ANKRD44: variants seen among roughly 807,000 people sequenced by gnomAD.
ANKRD44 encodes the protein serine/threonine-protein phosphatase 6 regulatory ankyrin repeat subunit B.
In ANKRD44, 35 loss-of-function variants were observed where a neutral mutation model predicts 116.0. The ratio of observed to expected loss-of-function variants is 0.30; its 90% confidence interval spans 0.23 to 0.40. The LOEUF is 0.40. Among genes scored for constraint, ANKRD44 ranks in the 10% least tolerant of loss-of-function variants. The probability of loss-of-function intolerance (pLI) is 1.00; values close to 1 mark genes in which losing one functional copy is unlikely to be tolerated. For synonymous variants in ANKRD44, 435 were observed against 461.8 expected (o/e 0.94, Z 0.74); for missense variants, 1,014 against 1,242.6 (o/e 0.82, Z 2.77).
intron 4 of ANKRD44, chr2:197,134,016 TG>T (rs2079160153): frequency 7.0e-6 from 1 of 143,788 alleles, no homozygotes; most frequent in Non-Finnish European, 1.5e-5. Flanking sequence ...TGCAATGGCG[TG>T]ATCTTGGCTC....
intron 1 of ANKRD44, among the ~76,000 whole-genome samples, chr2:197,197,741 T>A (rs1318911707): frequency 7.1e-6 from 1 of 141,250 alleles, no homozygotes; most frequent in Admixed American, 7.3e-5. Context: ...GCCCAGGAAA[T>A]TGAGGCTGCA....
chr2:196,997,103 C>T lies in ANKRD44; in HGVS notation c.2748+1234G>A, dbSNP rs576019837. On this transcript the variant is annotated intron_variant, in intron 25 of 27. Transcript: ENST00000282272. ...CAAAACTTTTTGAATATTGACATAA[C>T]ACTCAGATTTTTGGATTTGGGATAA... 1.2e-3 allele frequency among the ~76,000 whole-genome samples: 185 copies of T among 151,984 alleles called. 1 individual carries two copies. Among genetic ancestry groups the T allele is most frequent in the Middle Eastern group, 3.4e-3 (1 of 294 alleles).
chr2:197,223,011 C>T (rs949330408), intron 1 of ANKRD44, among the ~76,000 whole-genome samples: 1 of 151,970 alleles, frequency 6.6e-6, no homozygotes, highest in African/African-American at 2.4e-5. Context: ...TAGGGTTTCA[C>T]CATGTTGGCC....
chr2:196,989,544 G>GCACACACA lies in ANKRD44; in HGVS notation c.*46_*47insTGTGTGTG, dbSNP rs1470905838. 4.6e-6 allele frequency: 7 copies of GCACACACA among 1,534,252 alleles called. No homozygotes were observed. In the East Asian group the frequency reaches 1.2e-4, roughly 27 times the overall value. On this transcript the variant is annotated 3_prime_UTR_variant, in exon 28 of 28. Transcript: ENST00000282272. ...CACACATATATATATATATACACAC[G>GCACACACA]CACACATATATGTGTGCATGTGTAT...
intron 1 of ANKRD44, among the ~76,000 whole-genome samples, chr2:197,280,725 C>A (rs539533448): frequency 3.9e-5 from 6 of 152,122 alleles, no homozygotes; most frequent in African/African-American, 1.2e-4. Flanking sequence ...AGTATTATTA[C>A]CCCTTGATAA....
chr2:197,183,966 G>T (rs907708114), intron 2 of ANKRD44, among the ~76,000 whole-genome samples: 1 of 152,080 alleles, frequency 6.6e-6, no homozygotes, highest in Non-Finnish European at 1.5e-5. Flanking sequence ...TAGCATCCCG[G>T]ATTTTTTCTT....
chr2:197,159,820 G>A (rs1392762831), intron 2 of ANKRD44, among the ~76,000 whole-genome samples: 1 of 152,154 alleles, frequency 6.6e-6, no homozygotes, highest in Non-Finnish European at 1.5e-5. Context: ...TCAGAGTTAA[G>A]TGACTCACCC....
chr2:197,200,017 A>G (rs2081057740), intron 1 of ANKRD44, among the ~76,000 whole-genome samples: 1 of 152,230 alleles, frequency 6.6e-6, no homozygotes, highest in South Asian at 2.1e-4. Context: ...TACCTACAAT[A>G]TGCTATTTTT....
chr2:197,080,072 G>A (rs1265401966), intron 15 of ANKRD44, among the ~76,000 whole-genome samples: 1 of 152,148 alleles, frequency 6.6e-6, no homozygotes, highest in East Asian at 1.9e-4. Context: ...TCCCAGGTAT[G>A]ACTCACTGTA....
chr2:197,110,616 G>GT, intron 9 of ANKRD44, 150 bp downstream of exon 9: 3 of 698,782 alleles, frequency 4.3e-6, no homozygotes, highest in Non-Finnish European at 7.7e-6. Context: ...CTGATGAACA[G>GT]TTTTTAGCAA....
At chr2:197,145,340 C>T (rs778554913) in intron 3 of ANKRD44, among the ~76,000 whole-genome samples, 38 of 151,754 alleles carry the variant, frequency 2.5e-4, no homozygotes, top group Non-Finnish European at 2.1e-4. Context: ...AAAAAAGAGG[C>T]GGGTATAGCT....
intron 4 of ANKRD44, among the ~76,000 whole-genome samples, chr2:197,128,425 G>A (rs1490988085): frequency 6.6e-6 from 1 of 152,126 alleles, no homozygotes; most frequent in African/African-American, 2.4e-5. Context: ...TTTGTTGGCT[G>A]CATGAATGTC....
chr2:197,062,803 G>T (rs574018359), intron 16 of ANKRD44, among the ~76,000 whole-genome samples: 1 of 152,366 alleles, frequency 6.6e-6, no homozygotes, highest in South Asian at 2.1e-4. Flanking sequence ...GCTTGAGTAG[G>T]TAAACAAAAC....
At chr2:197,301,751 T>C (rs1263193377) in intron 1 of ANKRD44, among the ~76,000 whole-genome samples, 1 of 152,250 alleles carries the variant, frequency 6.6e-6, no homozygotes, top group African/African-American at 2.4e-5. Flanking sequence ...GAGCATTTAC[T>C]ATGCACCTTA....
intron 3 of ANKRD44, among the ~76,000 whole-genome samples, chr2:197,143,084 A>G (rs1436861380): frequency 1.3e-5 from 2 of 149,962 alleles, no homozygotes; most frequent in Non-Finnish European, 3.0e-5. Flanking sequence ...GAGTACTTCC[A>G]GTTTTCTTCT....
chr2:197,233,740 A>G (rs751443648), intron 1 of ANKRD44, among the ~76,000 whole-genome samples: 2 of 152,242 alleles, frequency 1.3e-5, no homozygotes, highest in Admixed American at 6.5e-5. Flanking sequence ...CAATGCAAGT[A>G]AGCATTTTAA....
intron 4 of ANKRD44, chr2:197,134,137 G>C (rs1310184458): frequency 1.3e-5 from 2 of 151,804 alleles, no homozygotes; most frequent in East Asian, 3.9e-4. Context: ...ATTTTTAGCA[G>C]AGACGGGGTT....
chr2:197,226,946 T>C (rs531385158), intron 1 of ANKRD44, among the ~76,000 whole-genome samples: 11 of 152,264 alleles, frequency 7.2e-5, no homozygotes, highest in African/African-American at 2.4e-4. Flanking sequence ...CCCAATTCCC[T>C]GGGAGCTCCC....
chr2:197,125,709 G>A (rs760425110), intron 5 of ANKRD44, 128 bp downstream of exon 5: 75 of 1,105,936 alleles, frequency 6.8e-5, no homozygotes, highest in Non-Finnish European at 9.2e-5. Flanking sequence ...GAATGATATA[G>A]ATGCTGAAGG....
Sources: gnomAD v4.1 joint callset for allele counts (sites outside exome capture counted in the v4.1 genomes callset) on GRCh38, gnomAD v4.1.1 for gene constraint, MANE v1.5 for transcripts, NCBI Gene and HGNC (gene_info 2026-07-23, HGNC 2026-07-21) for gene names.